Variants in UTRN observed in about 807,000 individuals in gnomAD.
The protein encoded by UTRN is dystrophin-related protein 1.
In UTRN, 283 loss-of-function variants were observed where a neutral mutation model predicts 463.9. The observed-to-expected ratio is 0.61, with a 90% confidence interval of 0.55 to 0.67. The LOEUF is 0.67. Among genes scored for constraint, UTRN ranks in the 30% least tolerant of loss-of-function variants. The probability of loss-of-function intolerance (pLI) is 0.00; values close to 1 mark genes in which losing one functional copy is unlikely to be tolerated. For missense variants in UTRN, 3,922 were observed against 4,084.3 expected, an observed-to-expected ratio of 0.96 and a Z score of 1.08; for synonymous variants, 1,442 against 1,431.5, an observed-to-expected ratio of 1.01 and a Z score of -0.17.
intron 2 of UTRN, among the ~76,000 whole-genome samples, chr6:144,336,455 G>A (rs1298123144): frequency 1.3e-5 from 2 of 152,140 alleles, no homozygotes; most frequent in African/African-American, 4.8e-5. Context: ...GGGTTCATAG[G>A]CTGGTGGCCC....
At position 144,753,770 on chromosome 6, in the gene UTRN, G is replaced by A. The variant is rs115432928; in HGVS notation, c.8356-950G>A. Reference sequence around the variant, plus strand: ...TAGTCCCAGCTACCTGGGAGGCTAAGGTGGGAGGATTGCATGAGCCCAGGA... The same window carrying A: ...TAGTCCCAGCTACCTGGGAGGCTAAAGTGGGAGGATTGCATGAGCCCAGGA... On this transcript the variant is annotated intron_variant, in intron 56 of 74. Transcript: ENST00000367545. Among the ~76,000 whole-genome samples the A allele has an allele frequency of 2.6e-3, 400 of 151,806 alleles. 4 individuals carry two copies. The highest frequency in any genetic ancestry group is 9.1e-3 in the African/African-American group (377 of 41,360).
At chr6:144,347,843 TTTTTTTG>T (rs1259971053) in intron 2 of UTRN, among the ~76,000 whole-genome samples, 3 of 145,258 alleles carry the variant, frequency 2.1e-5, no homozygotes, top group African/African-American at 8.5e-5. Flanking sequence ...CTTTGTTTTT[TTTTTTTG>T]TTTTTTTTTT....
At chr6:144,777,914 A>G (rs1321803901) in intron 60 of UTRN, among the ~76,000 whole-genome samples, 2 of 152,246 alleles carry the variant, frequency 1.3e-5, no homozygotes, top group African/African-American at 2.4e-5. Flanking sequence ...TCCAATATCC[A>G]GAAATTTCCT....
intron 60 of UTRN, among the ~76,000 whole-genome samples, chr6:144,780,354 TA>T (rs1421564857): frequency 1.3e-5 from 2 of 152,258 alleles, no homozygotes; most frequent in Admixed American, 1.3e-4. Flanking sequence ...CTTTGCCTCT[TA>T]TTTTTTTAAT....
At chr6:144,471,969 T>G (rs760720568) in intron 23 of UTRN, among the ~76,000 whole-genome samples, 1 of 152,174 alleles carries the variant, frequency 6.6e-6, no homozygotes, top group Admixed American at 6.5e-5. Flanking sequence ...AGCCTGAACT[T>G]AGGACCACAA....
chr6:144,468,213 A>G lies in UTRN; in HGVS notation c.3066+5347A>G, dbSNP rs191277658. Among the ~76,000 whole-genome samples, 104 of 152,142 alleles carry G rather than the reference A, an allele frequency of 6.8e-4. 1 individual carries two copies. Among genetic ancestry groups the G allele is most frequent in the Admixed American group, 6.1e-3 (93 of 15,278 alleles). The stretch of plus-strand genomic sequence containing the variant: ...ATTACCTCCATCCTTAGGTCACAGG[A>G]TGGGGGATGGGAAATGAGGTGAGAT... On this transcript the variant is annotated intron_variant, in intron 23 of 74. Transcript: ENST00000367545.
rs1214075444 is a variant in UTRN at position 144,835,784 on chromosome 6, G to A, written c.9670G>A (p.Asp3224Asn). ...DSSSTTGSVE[D>N]EHALIQQYCQ... ...CTGTTTCCTTTGTCTTGCTAGGGAA[G>A]ACGAGCACGCCCTCATCCAGCAGTA... Residue 3224 changes from aspartate to asparagine, a missense_variant, in exon 70 of 75, where the codon GAC (aspartate) becomes AAC (asparagine). This residue lies in a region of UTRN where 1,309 missense variants were observed against 1,452.6 expected (regional missense o/e 0.90). Transcript: ENST00000367545. The A allele has an allele frequency of 6.2e-7, 1 of 1,613,998 alleles. No individual in the cohort carries two copies. Among genetic ancestry groups the A allele is most frequent in the African/African-American group, 1.3e-5 (1 of 75,046 alleles).
At chr6:144,514,155 A>G (rs1309130253) in intron 36 of UTRN, 118 bp downstream of exon 36, 15 of 1,378,352 alleles carry the variant, frequency 1.1e-5, no homozygotes, top group Non-Finnish European at 1.3e-5. Flanking sequence ...TAGATTCATT[A>G]ACATTTATTT....
chr6:144,777,951 G>A (rs985179078), intron 60 of UTRN, among the ~76,000 whole-genome samples: 3 of 152,130 alleles, frequency 2.0e-5, no homozygotes, highest in Admixed American at 6.5e-5. Context: ...CAATTTGAAC[G>A]TCATATTTTT....
At chr6:144,316,814 ATTAG>A (rs1775311073) in intron 2 of UTRN, among the ~76,000 whole-genome samples, 1 of 152,104 alleles carries the variant, frequency 6.6e-6, no homozygotes, top group African/African-American at 2.4e-5. Flanking sequence ...TATGCTTGTT[ATTAG>A]TTAGGACTTA....
intron 25 of UTRN, among the ~76,000 whole-genome samples, chr6:144,478,646 C>T (rs1445175323): frequency 6.6e-6 from 1 of 152,190 alleles, no homozygotes; most frequent in East Asian, 1.9e-4. Flanking sequence ...TCTTGCTTAA[C>T]TCTAACTTCT....
intron 53 of UTRN, among the ~76,000 whole-genome samples, chr6:144,717,882 G>A (rs1348064661): frequency 6.6e-6 from 1 of 151,786 alleles, no homozygotes. Flanking sequence ...TGATCCACCC[G>A]CCTCAGCCTC....
intron 7 of UTRN, among the ~76,000 whole-genome samples, chr6:144,427,201 T>C (rs1303413902): frequency 2.6e-5 from 4 of 152,108 alleles, no homozygotes; most frequent in African/African-American, 4.8e-5. Flanking sequence ...TGATTACCCA[T>C]ATATAAATAA....
At chr6:144,531,913 G>A (rs1442258073) in intron 42 of UTRN, among the ~76,000 whole-genome samples, 6 of 152,024 alleles carry the variant, frequency 3.9e-5, no homozygotes, top group East Asian at 3.8e-4. Context: ...TGAGGTGGGC[G>A]GATTATGAGG....
chr6:144,668,349 T>C (rs908532706), intron 51 of UTRN, among the ~76,000 whole-genome samples: 7 of 152,330 alleles, frequency 4.6e-5, no homozygotes, highest in Middle Eastern at 3.4e-3. Context: ...GTAGAATGCA[T>C]GGGTGTGCTT....
intron 65 of UTRN, among the ~76,000 whole-genome samples, chr6:144,815,402 G>A (rs1230873671): frequency 1.3e-5 from 2 of 151,898 alleles, no homozygotes; most frequent in African/African-American, 2.4e-5. Flanking sequence ...TTATTAAGGA[G>A]TATTGACTCA....
Position 144,839,279 on chromosome 6 carries a change from A to T in UTRN, c.10172A>T (p.Gln3391Leu). The stretch of plus-strand genomic sequence containing the variant: ...GATGCCTCCGGCCCACAGTTCCACC[A>T]GGCAGGTCGGTGTCCCCAGCACACA... ...DPDASGPQFH[Q>L]AAGEDLLAPP... Residue 3391 changes from glutamine to leucine, a missense_variant, in exon 72 of 75, where the codon CAG becomes CTG. By Grantham distance (113) the Gln-to-Leu change is moderately radical. Coordinates refer to ENST00000367545, the MANE Select transcript of UTRN (RefSeq NM_007124.3). 2 of 1,613,376 alleles carry T rather than the reference A, an allele frequency of 1.2e-6. No homozygotes were observed. The highest frequency in any genetic ancestry group is 1.7e-6 in the Non-Finnish European group (2 of 1,179,796).
chr6:144,675,823 G>A (rs73778379), intron 51 of UTRN, among the ~76,000 whole-genome samples: 5,966 of 152,140 alleles, frequency 0.039, 404 homozygotes, highest in African/African-American at 0.14. Context: ...TTCTTGGAGC[G>A]AAAGTTCACG....
At chr6:144,437,392 A>T (rs908996846) in intron 10 of UTRN, among the ~76,000 whole-genome samples, 173 bp from the exon 11 acceptor site, 1 of 152,062 alleles carries the variant, frequency 6.6e-6, no homozygotes. Flanking sequence ...GCAGGTGTTT[A>T]TTCCTATTTT....
Sources: allele counts gnomAD v4.1 joint callset (sites outside exome capture counted in the v4.1 genomes callset), GRCh38; gene constraint gnomAD v4.1.1; regional missense constraint gnomAD v4.1.1; transcripts MANE v1.5; gene names NCBI Gene and HGNC (gene_info 2026-07-23, HGNC 2026-07-21).